SPAG17: variants seen among roughly 807,000 people sequenced by gnomAD.
The protein encoded by SPAG17 is sperm associated antigen 17.
In SPAG17, 169 loss-of-function variants were observed where a neutral mutation model predicts 273.6. The observed-to-expected ratio is 0.62, with a 90% confidence interval of 0.55 to 0.70. SPAG17 has a LOEUF of 0.70. Among genes scored for constraint, SPAG17 ranks in the 30% least tolerant of loss-of-function variants. SPAG17 has a pLI of 0.00. For synonymous variants in SPAG17, 825 were observed against 873.2 expected (o/e 0.94, Z 0.97); for missense variants, 2,557 against 2,627.8 (o/e 0.97, Z 0.59).
At chr1:118,083,013 G>A (rs1216001696) in intron 13 of SPAG17, among the ~76,000 whole-genome samples, 3 of 152,068 alleles carry the variant, frequency 2.0e-5, no homozygotes, top group Non-Finnish European at 2.9e-5. Flanking sequence ...GTTGCTTTTT[G>A]TTTTGTTTTG....
chr1:118,129,135 A>T (rs1657909634), intron 3 of SPAG17, among the ~76,000 whole-genome samples: 1 of 152,204 alleles, frequency 6.6e-6, no homozygotes, highest in Admixed American at 6.5e-5. Flanking sequence ...CACAGCAGGG[A>T]AGTGGGCTGG....
intron 28 of SPAG17, among the ~76,000 whole-genome samples, chr1:118,022,967 G>C (rs983092091): frequency 5.3e-5 from 8 of 152,094 alleles, no homozygotes; most frequent in Non-Finnish European, 1.2e-4. Context: ...ATGAGGAAAA[G>C]TTCAAGAGAA....
intron 25 of SPAG17, among the ~76,000 whole-genome samples, chr1:118,029,119 A>G (rs747386245): frequency 6.6e-5 from 10 of 152,110 alleles, no homozygotes; most frequent in Non-Finnish European, 1.0e-4. Flanking sequence ...GCATGATGGT[A>G]CATGCCTGTG....
intron 17 of SPAG17, among the ~76,000 whole-genome samples, chr1:118,072,553 A>G (rs1653708561): frequency 6.6e-6 from 1 of 152,198 alleles, no homozygotes; most frequent in African/African-American, 2.4e-5. Flanking sequence ...TCAGTAGTAG[A>G]GAATTTGGGG....
At chr1:118,139,018 T>C (rs2102316837) in intron 3 of SPAG17, among the ~76,000 whole-genome samples, 1 of 152,270 alleles carries the variant, frequency 6.6e-6, no homozygotes, top group South Asian at 2.1e-4. Flanking sequence ...TTTTTAATAT[T>C]TGTAAGCCAT....
chr1:118,069,344 C>CAAAAAAAA lies in SPAG17; in HGVS notation c.2386-2453_2386-2446dup, dbSNP rs563980015. Among the ~76,000 whole-genome samples the CAAAAAAAA allele has an allele frequency of 1.2e-3, 106 of 86,156 alleles. 9 individuals carry two copies. Among genetic ancestry groups the CAAAAAAAA allele is most frequent in the African/African-American group, 5.0e-3 (101 of 20,046 alleles). The allele number at this position is 86,156 out of a possible 152,430, so 56.5% of individuals were successfully genotyped here. ...TAAGCGACAGAGTGAGACTCCGTCT[C>CAAAAAAAA]AAAAAAAAAAAAAAGTGGTGGTAGC... is the stretch of plus-strand genomic sequence containing the variant. On this transcript the variant is annotated intron_variant, in intron 17 of 48. Transcript: ENST00000336338.
chr1:118,041,946 C>T lies in SPAG17; in HGVS notation c.2911G>A (p.Gly971Ser), dbSNP rs759580202. ...KKGKEAGKKK[G>S]KDNAEKEDSR... ...TCCTCTTTCTCTGCGTTATCCTTGC[C>T]TTTCTTTTTACCAGCTTCTTTACCC... is the stretch of plus-strand genomic sequence containing the variant. The change falls in exon 21 of 49, where the codon GGC (glycine) becomes AGC (serine). Residue 971 changes from glycine (G) to serine (S), a missense_variant. By Grantham distance (56) the Gly-to-Ser change is moderately conservative (BLOSUM62 0). Coordinates refer to ENST00000336338, the MANE Select transcript of SPAG17 (RefSeq NM_206996.4). 5.6e-6 allele frequency: 9 copies of T among 1,613,768 alleles called. No individual in the cohort carries two copies. The highest frequency in any genetic ancestry group is 3.3e-5 in the Admixed American group (2 of 59,972).
chr1:118,009,082 T>A (rs1254127170), intron 30 of SPAG17, among the ~76,000 whole-genome samples: 1 of 152,130 alleles, frequency 6.6e-6, no homozygotes, highest in Non-Finnish European at 1.5e-5. Context: ...TATGCATGAT[T>A]TTGTGGGTGG....
chr1:118,080,322 A>G (rs1325605279), intron 15 of SPAG17, among the ~76,000 whole-genome samples: 1 of 152,194 alleles, frequency 6.6e-6, no homozygotes, highest in East Asian at 1.9e-4. Context: ...AAGAGAACTC[A>G]GGGTGGAGGA....
chr1:117,960,653 C>T (rs144007084), intron 48 of SPAG17: 16 of 152,328 alleles, frequency 1.1e-4, no homozygotes, highest in African/African-American at 3.8e-4. Flanking sequence ...ACGCACAACA[C>T]TTGAGCTCAC....
intron 25 of SPAG17, among the ~76,000 whole-genome samples, chr1:118,029,984 C>T (rs1003017683): frequency 6.6e-6 from 1 of 152,176 alleles, no homozygotes; most frequent in African/African-American, 2.4e-5. Context: ...AAACCTGCCA[C>T]GTCAAATCTG....
rs149854774 is a variant in SPAG17, at chr1:118,157,411, A to C, written c.88-6042T>G. The stretch of plus-strand genomic sequence containing the variant: ...TTCAAGTGTGACCTAGCCTTAAGTA[A>C]TATCCTTCAAAATGGGCTCTATGAA... On this transcript the variant is annotated intron_variant, in intron 1 of 48. Transcript: ENST00000336338. 1.3e-3 allele frequency among the ~76,000 whole-genome samples: 191 copies of C among 152,286 alleles called. 1 individual carries two copies. The highest frequency in any genetic ancestry group is 4.5e-3 in the African/African-American group (185 of 41,558).
intron 10 of SPAG17, among the ~76,000 whole-genome samples, chr1:118,089,054 G>A (rs567065755): frequency 9.2e-5 from 14 of 152,086 alleles, no homozygotes; most frequent in Admixed American, 6.6e-5. Context: ...GTAGGAGGAC[G>A]GGGAAGGGAA....
chr1:118,153,507 C>T (rs1013126590), intron 1 of SPAG17, among the ~76,000 whole-genome samples: 1 of 152,096 alleles, frequency 6.6e-6, no homozygotes, highest in Non-Finnish European at 1.5e-5. Context: ...ATAAAACTAT[C>T]AGGGAAATAT....
chr1:118,092,152 GAA>G (rs936308767), intron 8 of SPAG17, 150 bp from the exon 9 acceptor site: 1 of 696,684 alleles, frequency 1.4e-6, no homozygotes, highest in African/African-American at 1.8e-5. Flanking sequence ...AGAACCAAAG[GAA>G]AAGAGTTTTG....
At chr1:117,969,795 T>C (rs1654340577) in intron 46 of SPAG17, among the ~76,000 whole-genome samples, 1 of 152,206 alleles carries the variant, frequency 6.6e-6, no homozygotes, top group African/African-American at 2.4e-5. Flanking sequence ...TGAGGTGAGC[T>C]TCAGAATTGT....
intron 28 of SPAG17, among the ~76,000 whole-genome samples, chr1:118,016,446 A>G (rs1454004525): frequency 6.6e-6 from 1 of 152,134 alleles, no homozygotes; most frequent in Non-Finnish European, 1.5e-5. Context: ...TGTCTAGGGC[A>G]CAAAAAATAT....
At chr1:117,978,928 C>T (rs1409080313) in intron 43 of SPAG17, among the ~76,000 whole-genome samples, 3 of 150,494 alleles carry the variant, frequency 2.0e-5, no homozygotes, top group Admixed American at 6.6e-5. Flanking sequence ...AGTGCAATGG[C>T]GTGATCTCAG....
chr1:117,978,871 T>C (rs1655429858), intron 43 of SPAG17, among the ~76,000 whole-genome samples: 1 of 67,380 alleles, frequency 1.5e-5, no homozygotes, highest in African/African-American at 3.3e-5. Context: ...TTCCTCTTCT[T>C]TTTTTTTTTT....
Sources: gnomAD v4.1 joint callset for allele counts (sites outside exome capture counted in the v4.1 genomes callset) on GRCh38, gnomAD v4.1.1 for gene constraint, MANE v1.5 for transcripts, NCBI Gene and HGNC (gene_info 2026-07-23, HGNC 2026-07-21) for gene names.